Variants in GPD2 observed in about 807,000 individuals in gnomAD.
GPD2 encodes the protein glycerol-3-phosphate dehydrogenase, mitochondrial.
In GPD2, 54 loss-of-function variants were observed where a neutral mutation model predicts 82.4. That is an observed-to-expected ratio of 0.66 (90% CI 0.53 to 0.82). The LOEUF is 0.82. Ranked by LOEUF, GPD2 falls within the 40% of genes least tolerant of loss-of-function variation. GPD2 has a pLI of 0.00. For missense variants in GPD2, 748 were observed against 896.2 expected (o/e 0.83, Z 2.11); for synonymous variants, 288 against 306.1 (o/e 0.94, Z 0.62).
the GPD2 span, among the ~76,000 whole-genome samples, chr2:156,403,610 A>AC: frequency 1.4e-5 from 1 of 70,534 alleles, no homozygotes; most frequent in African/African-American, 4.4e-5. Context: ...AAGCATTCAA[A>AC]GGGTGTGTGT....
At chr2:156,432,264 T>A (rs10180527), upstream of GPD2, among the ~76,000 whole-genome samples, 3,383 of 152,280 alleles carry the variant, frequency 0.022, 117 homozygotes, top group African/African-American at 0.076. Flanking sequence ...ATTTTTTAAT[T>A]TCCATTTTTA....
At chr2:156,407,760 C>A in the GPD2 span, among the ~76,000 whole-genome samples, 1 of 152,044 alleles carries the variant, frequency 6.6e-6, no homozygotes, top group East Asian at 1.9e-4. Flanking sequence ...ATGAGAACAC[C>A]TGCAGGATAA....
chr2:156,535,274 TGA>T (rs141987512), intron 6 of GPD2, among the ~76,000 whole-genome samples: 16 of 141,460 alleles, frequency 1.1e-4, no homozygotes, highest in Non-Finnish European at 1.4e-4. Flanking sequence ...GAATCCCAGG[TGA>T]GAGAGAGAGA....
Position 156,579,098 on chromosome 2 carries a change from A to T in GPD2, c.1893A>T (p.Arg631Ser). The change falls in exon 15 of 17, where the codon AGA becomes AGT. Residue 631 changes from arginine (R) to serine (S), a missense_variant. By Grantham distance (110) the Arg-to-Ser change is moderately radical. Around this residue, in one of 3 missense-constraint regions of GPD2, gnomAD observed 692 missense variants for 809.7 expected, o/e 0.85. Coordinates refer to ENST00000438166, the MANE Select transcript of GPD2 (RefSeq NM_000408.5). ...LPSDIDRYKK[R>S]FHKFDADQKG... ...TCTTGTGTTCCAGGTATAAGAAGAG[A>T]TTTCATAAGTTTGATGCAGACCAGA... 1 of 1,605,022 alleles carries T rather than the reference A, an allele frequency of 6.2e-7. No homozygotes were observed. Among genetic ancestry groups the T allele is most frequent in the Non-Finnish European group, 8.5e-7 (1 of 1,172,106 alleles).
rs1688139372 is a variant in GPD2, at chr2:156,584,326, A to G, written c.*1408A>G. On this transcript the variant is annotated 3_prime_UTR_variant, in exon 17 of 17. Coordinates refer to ENST00000438166, the MANE Select transcript of GPD2 (RefSeq NM_000408.5). ...TTCTGTATCTAATAGGAGATGTAAC[A>G]CTTTATTTCATGGCAGGTTTTTATT... The G allele has an allele frequency of 6.6e-6, 1 of 151,968 alleles. No individual in the cohort carries two copies. Among genetic ancestry groups the G allele is most frequent in the Non-Finnish European group, 1.5e-5 (1 of 67,964 alleles). The allele number at this position is 151,968 out of a possible 1,614,324, so 9.4% of individuals were successfully genotyped here. A position where few individuals can be genotyped will look rare whatever the true frequency, so the allele number is the denominator to read the frequency against.
At chr2:156,533,238 T>C (rs1685934229) in intron 6 of GPD2, among the ~76,000 whole-genome samples, 1 of 152,188 alleles carries the variant, frequency 6.6e-6, no homozygotes, top group Non-Finnish European at 1.5e-5. Flanking sequence ...AGCTAGATTG[T>C]GGTGGTTTCT....
upstream of GPD2, chr2:156,435,936 C>G (rs1573864118): frequency 6.6e-6 from 1 of 152,420 alleles, no homozygotes; most frequent in South Asian, 2.1e-4. Flanking sequence ...TGGCCTAGCT[C>G]AGGCTTTCCA....
chr2:156,419,655 C>A, the GPD2 span, among the ~76,000 whole-genome samples: 2 of 152,280 alleles, frequency 1.3e-5, no homozygotes, highest in Middle Eastern at 6.8e-3. Flanking sequence ...TCCTCCTTAT[C>A]ATCAACAAGA....
At chr2:156,479,714 G>A (rs1339783659) in intron 2 of GPD2, among the ~76,000 whole-genome samples, 1 of 152,096 alleles carries the variant, frequency 6.6e-6, no homozygotes, top group African/African-American at 2.4e-5. Context: ...CACCTGCAGA[G>A]GTTTGTGGCC....
the GPD2 span, among the ~76,000 whole-genome samples, chr2:156,422,588 G>A: frequency 6.6e-6 from 1 of 151,940 alleles, no homozygotes; most frequent in East Asian, 1.9e-4. Flanking sequence ...AAATTAGCGG[G>A]GCATGGTGGC....
chr2:156,436,079 G>A (rs968096760), upstream of GPD2, among the ~76,000 whole-genome samples: 1 of 152,194 alleles, frequency 6.6e-6, no homozygotes, highest in East Asian at 1.9e-4. Flanking sequence ...GGCAGGACCC[G>A]CGTCCCCGTC....
chr2:156,452,540 A>G (rs1300144078), intron 1 of GPD2, among the ~76,000 whole-genome samples: 1 of 152,110 alleles, frequency 6.6e-6, no homozygotes, highest in African/African-American at 2.4e-5. Context: ...ATGGAAAGAG[A>G]GGGAGAGGGA....
intron 3 of GPD2, 150 bp from the exon 4 acceptor site, chr2:156,510,646 A>G (rs923067494): frequency 4.4e-6 from 3 of 688,990 alleles, no homozygotes; most frequent in African/African-American, 3.6e-5. Context: ...CTTCATTATA[A>G]TATAGACAGT....
At chr2:156,478,456 T>C (rs1254209337) in intron 2 of GPD2, among the ~76,000 whole-genome samples, 1 of 152,048 alleles carries the variant, frequency 6.6e-6, no homozygotes, top group Non-Finnish European at 1.5e-5. Flanking sequence ...GCCATTAGCA[T>C]GTATTTGGGG....
intron 6 of GPD2, among the ~76,000 whole-genome samples, chr2:156,533,491 G>C (rs910067718): frequency 6.6e-6 from 1 of 152,182 alleles, no homozygotes. Context: ...ATCTGATTCT[G>C]TCAGCAAGGC....
intron 1 of GPD2, among the ~76,000 whole-genome samples, chr2:156,460,198 T>G (rs1337847810): frequency 2.0e-5 from 3 of 152,240 alleles, no homozygotes; most frequent in Non-Finnish European, 4.4e-5. Flanking sequence ...GCTAATGTAC[T>G]CTGCTGAATT....
At chr2:156,401,235 T>C in the GPD2 span, among the ~76,000 whole-genome samples, 4 of 152,232 alleles carry the variant, frequency 2.6e-5, no homozygotes, top group African/African-American at 9.6e-5. Context: ...AAATGTGCTT[T>C]TCTATTGCTT....
At chr2:156,428,177 C>T in the GPD2 span, among the ~76,000 whole-genome samples, 1 of 152,166 alleles carries the variant, frequency 6.6e-6, no homozygotes, top group East Asian at 1.9e-4. Flanking sequence ...ATTCAGTCTA[C>T]CATAGTGTAG....
At chr2:156,417,662 T>C in the GPD2 span, among the ~76,000 whole-genome samples, 6 of 152,142 alleles carry the variant, frequency 3.9e-5, no homozygotes, top group Non-Finnish European at 8.8e-5. Context: ...ACATGGAATA[T>C]AATTCCATGG....
Sources: allele counts gnomAD v4.1 joint callset (sites outside exome capture counted in the v4.1 genomes callset), GRCh38; gene constraint gnomAD v4.1.1; regional missense constraint gnomAD v4.1.1; transcripts MANE v1.5; gene names NCBI Gene and HGNC (gene_info 2026-07-23, HGNC 2026-07-21).